Variants in NUTF2 observed in about 807,000 individuals in gnomAD.
The protein encoded by NUTF2 is placental protein 15.
A neutral mutation model predicts 18.5 loss-of-function variants in NUTF2; 3 were observed. That is an observed-to-expected ratio of 0.16 (90% CI 0.07 to 0.42). The LOEUF is 0.42. Ranked by LOEUF, NUTF2 falls within the 10% of genes least tolerant of loss-of-function variation. NUTF2 has a pLI of 0.99. For missense variants in NUTF2, 44 were observed against 160.7 expected, an observed-to-expected ratio of 0.27 and a Z score of 3.93; for synonymous variants, 51 against 57.9, an observed-to-expected ratio of 0.88 and a Z score of 0.54.
At chr16:67,855,441 G>A (rs535230224) in intron 1 of NUTF2, among the ~76,000 whole-genome samples, 6 of 152,274 alleles carry the variant, frequency 3.9e-5, no homozygotes, top group Admixed American at 2.0e-4. Flanking sequence ...ATTTGTTGCT[G>A]TACCTGCTGT....
At chr16:67,852,978 C>T (rs776253855) in intron 1 of NUTF2, among the ~76,000 whole-genome samples, 8 of 152,112 alleles carry the variant, frequency 5.3e-5, no homozygotes, top group Non-Finnish European at 1.0e-4. Flanking sequence ...CCACCGCTCC[C>T]GGCCCTTTTT....
rs1208303500 is a variant in NUTF2, at chr16:67,871,162, C to CT, written c.*271dup. On this transcript the variant is annotated 3_prime_UTR_variant, in exon 5 of 5. Transcript: ENST00000219169. Reference sequence around the variant, plus strand: ...GACTTAAGTAATGCAAAAGGTTGTCCTTTTTTTTTTTTTTTTTTTTTTAAT... The same window carrying CT: ...GACTTAAGTAATGCAAAAGGTTGTCCTTTTTTTTTTTTTTTTTTTTTTTAAT... The CT allele has an allele frequency of 0.15, 23,298 of 150,670 alleles. 2,631 individuals carry two copies. Among genetic ancestry groups the CT allele is most frequent in the African/African-American group, 0.34 (10,759 of 31,950 alleles). The allele number at this position is 150,670 out of a possible 1,614,324, so 9.3% of individuals were successfully genotyped here. A position where few individuals can be genotyped will look rare whatever the true frequency, so the allele number is the denominator to read the frequency against.
rs1598172874 is a variant in NUTF2 at position 67,872,077 on chromosome 16, T to TA, written c.*1164_*1165insA. ...TTCCAATTCCGGGGAGTCTTAGCTATTAGGGCAGTTTCTGCTTCTCCATTT... is the reference window on the plus strand; with the variant it reads ...TTCCAATTCCGGGGAGTCTTAGCTATATAGGGCAGTTTCTGCTTCTCCATTT... On this transcript the variant is annotated 3_prime_UTR_variant, in exon 5 of 5. Coordinates refer to ENST00000219169, the MANE Select transcript of NUTF2 (RefSeq NM_005796.3). 6.6e-6 allele frequency: 1 copy of TA among 152,342 alleles called. No individual in the cohort carries two copies. The highest frequency in any genetic ancestry group is 1.9e-4 in the East Asian group (1 of 5,200). 9.4% of individuals were successfully genotyped at this position (152,342 alleles called of 1,614,324 possible). A position where few individuals can be genotyped will look rare whatever the true frequency, so the allele number is the denominator to read the frequency against.
At chr16:67,864,191 A>G (rs1598167008) in intron 1 of NUTF2, among the ~76,000 whole-genome samples, 1 of 152,144 alleles carries the variant, frequency 6.6e-6, no homozygotes, top group Admixed American at 6.5e-5. Flanking sequence ...CCATGAGACT[A>G]AGGGATCACT....
intron 3 of NUTF2, 45 bp downstream of exon 3, chr16:67,868,456 C>T (rs775160600): frequency 6.2e-7 from 1 of 1,613,570 alleles, no homozygotes. Flanking sequence ...CCTTTCCCAC[C>T]CCTTCTGGCC....
chr16:67,853,959 CCTT>C (rs1159241635), intron 1 of NUTF2, among the ~76,000 whole-genome samples: 1 of 151,830 alleles, frequency 6.6e-6, no homozygotes, highest in Non-Finnish European at 1.5e-5. Context: ...TTGTGCATGG[CCTT>C]CTTTTTGAGA....
chr16:67,871,087 G>C lies in NUTF2; in HGVS notation c.*174G>C. On this transcript the variant is annotated 3_prime_UTR_variant, in exon 5 of 5. Coordinates refer to ENST00000219169, the MANE Select transcript of NUTF2 (RefSeq NM_005796.3). ...TGCATGATGTTTGGATGCTAGACTA[G>C]TTGCATCTGACGGGAGAAGTTTGTG... The C allele has an allele frequency of 1.9e-6, 1 of 518,886 alleles. No individual in the cohort carries two copies. The highest frequency in any genetic ancestry group is 3.5e-6 in the Non-Finnish European group (1 of 285,586). 32.1% of individuals were successfully genotyped at this position (518,886 alleles called of 1,614,324 possible). A position where few individuals can be genotyped will look rare whatever the true frequency, so the allele number is the denominator to read the frequency against.
intron 1 of NUTF2, among the ~76,000 whole-genome samples, chr16:67,858,237 G>T (rs150378217): frequency 6.6e-6 from 1 of 152,042 alleles, no homozygotes; most frequent in African/African-American, 2.4e-5. Context: ...GCATGATCTC[G>T]GCTCACTACA....
chr16:67,865,209 A>C lies in NUTF2; in HGVS notation c.79A>C (p.Thr27Pro). 6.2e-7 allele frequency: 1 copy of C among 1,612,844 alleles called. No individual in the cohort carries two copies. Among genetic ancestry groups the C allele is most frequent in the East Asian group, 2.2e-5 (1 of 44,842 alleles). Residue 27 changes from threonine (T) to proline (P), a missense_variant, in exon 2 of 5, where the codon ACC becomes CCC. Thr to Pro is a conservative substitution (Grantham distance 38). Transcript: ENST00000219169. ...CTACCAGTTATTTGATAATGATAGA[A>C]CCCAACTAGGCGCAATTTACGTAAG... The part of the protein sequence containing the change: ...HYYQLFDNDR[T>P]QLGAIYIDAS...
chr16:67,847,150 C>T (rs2057808262), intron 1 of NUTF2, 165 bp downstream of exon 1: 1 of 151,766 alleles, frequency 6.6e-6, no homozygotes. Context: ...CGCGGCTCCG[C>T]CTCCCGCCGG....
At chr16:67,861,828 T>C (rs576698809) in intron 1 of NUTF2, among the ~76,000 whole-genome samples, 1 of 152,322 alleles carries the variant, frequency 6.6e-6, no homozygotes, top group South Asian at 2.1e-4. Context: ...GCTTGCTGGC[T>C]ATTCTGGGGA....
chr16:67,855,991 C>T, intron 1 of NUTF2: 1 of 1,238,872 alleles, frequency 8.1e-7, no homozygotes, highest in Non-Finnish European at 1.2e-6. Context: ...TGCCAGCGGC[C>T]TTGGTGACCT....
At chr16:67,849,235 G>T (rs982086374) in intron 1 of NUTF2, among the ~76,000 whole-genome samples, 3 of 152,250 alleles carry the variant, frequency 2.0e-5, no homozygotes, top group Non-Finnish European at 2.9e-5. Context: ...TCAAGACCCT[G>T]TAGATTGTCT....
intron 1 of NUTF2, chr16:67,855,890 G>T (rs111315946): frequency 5.3e-5 from 21 of 397,038 alleles, no homozygotes; most frequent in East Asian, 2.5e-4. Flanking sequence ...TTTTTGGCGG[G>T]GGGGGGGGAT....
At chr16:67,862,228 G>T (rs1338536807) in intron 1 of NUTF2, among the ~76,000 whole-genome samples, 2 of 152,222 alleles carry the variant, frequency 1.3e-5, no homozygotes, top group Non-Finnish European at 2.9e-5. Flanking sequence ...AGAGGACCCA[G>T]TGTCAGCACT....
chr16:67,863,982 G>A (rs1398629203), intron 1 of NUTF2, among the ~76,000 whole-genome samples: 1 of 152,176 alleles, frequency 6.6e-6, no homozygotes. Flanking sequence ...AAGCAATGCT[G>A]GGATGAGGGG....
At chr16:67,869,520 T>C (rs1281335030) in intron 4 of NUTF2, among the ~76,000 whole-genome samples, 1 of 150,562 alleles carries the variant, frequency 6.6e-6, no homozygotes, top group African/African-American at 2.4e-5. Flanking sequence ...GCGCGGTGGC[T>C]CACGCCTGTA....
intron 1 of NUTF2, among the ~76,000 whole-genome samples, chr16:67,849,977 T>C (rs2057840807): frequency 6.6e-6 from 1 of 151,724 alleles, no homozygotes; most frequent in Non-Finnish European, 1.5e-5. Flanking sequence ...TTTTTTGCAG[T>C]GATGTCATCT....
intron 1 of NUTF2, among the ~76,000 whole-genome samples, chr16:67,862,615 A>G (rs2057942313): frequency 6.6e-6 from 1 of 152,144 alleles, no homozygotes; most frequent in Non-Finnish European, 1.5e-5. Context: ...TGGGTGGATC[A>G]CTTGAGCTCA....
Sources: allele counts gnomAD v4.1 joint callset (sites outside exome capture counted in the v4.1 genomes callset), GRCh38; gene constraint gnomAD v4.1.1; transcripts MANE v1.5; gene names NCBI Gene and HGNC (gene_info 2026-07-23, HGNC 2026-07-21).